Variants in PGAP1 observed in about 807,000 individuals in gnomAD.
The protein encoded by PGAP1 is GPI inositol-deacylase.
PGAP1 carries 76 observed loss-of-function variants against 127.0 expected under a neutral mutation model. The ratio of observed to expected loss-of-function variants is 0.60; its 90% CI spans 0.50 to 0.72. The LOEUF is 0.72. Among genes scored for constraint, PGAP1 ranks in the 30% least tolerant of loss-of-function variants. PGAP1 has a pLI of 0.00. For missense variants in PGAP1, 982 were observed against 1,071.3 expected (o/e 0.92, Z 1.16); for synonymous variants, 362 against 366.5 (o/e 0.99, Z 0.14).
chr2:196,917,364 T>C (rs561863041), intron 2 of PGAP1, among the ~76,000 whole-genome samples: 42 of 152,338 alleles, frequency 2.8e-4, no homozygotes, highest in South Asian at 2.7e-3. Context: ...CAACTCACTA[T>C]ATAAAACTGT....
intron 12 of PGAP1, among the ~76,000 whole-genome samples, chr2:196,881,559 T>G (rs543779629): frequency 6.6e-6 from 1 of 152,366 alleles, no homozygotes; most frequent in South Asian, 2.1e-4. Context: ...ATAATAGCCA[T>G]TCTGACTGGT....
At chr2:196,852,654 A>G (rs1355731115) in intron 20 of PGAP1, among the ~76,000 whole-genome samples, 3 of 152,056 alleles carry the variant, frequency 2.0e-5, no homozygotes, top group Non-Finnish European at 2.9e-5. Context: ...ATAGATTTAG[A>G]AAAAAATAGA....
Position 196,926,619 on chromosome 2 carries a change from T to TGCC in PGAP1, c.-6_-4dup, listed in dbSNP as rs1703371525. On this transcript the variant is annotated 5_prime_UTR_variant, in exon 1 of 27. Coordinates refer to ENST00000354764, the MANE Select transcript of PGAP1 (RefSeq NM_024989.4). ...AGATTAACTGAGTGAAGAAACATGG[T>TGCC]GCCGCCACCACCGCCGCCGCCGCCG... 1.2e-6 allele frequency: 2 copies of TGCC among 1,613,772 alleles called. No individual in the cohort carries two copies. Among genetic ancestry groups the TGCC allele is most frequent in the Non-Finnish European group, 1.7e-6 (2 of 1,179,854 alleles).
chr2:196,842,664 A>C, intron 26 of PGAP1, 57 bp downstream of exon 26: 3 of 804,014 alleles, frequency 3.7e-6, no homozygotes, highest in Admixed American at 2.6e-5. Context: ...TTTTAGATAT[A>C]AAGGGGGAAA....
intron 18 of PGAP1, 83 bp from the exon 19 acceptor site, chr2:196,871,062 T>A: frequency 1.1e-6 from 1 of 900,382 alleles, no homozygotes; most frequent in Non-Finnish European, 1.8e-6. Flanking sequence ...CTTATGCATA[T>A]CTCTAAGCAT....
At chr2:196,874,365 G>C (rs1701496282) in intron 14 of PGAP1, among the ~76,000 whole-genome samples, 1 of 152,068 alleles carries the variant, frequency 6.6e-6, no homozygotes, top group South Asian at 2.1e-4. Context: ...AATAATGGGG[G>C]AGAAGGGTCT....
intron 23 of PGAP1, among the ~76,000 whole-genome samples, chr2:196,845,651 TCTC>T (rs1417607319): frequency 6.6e-6 from 1 of 151,992 alleles, no homozygotes; most frequent in Non-Finnish European, 1.5e-5. Flanking sequence ...GATTATATCT[TCTC>T]CTTTCCCTTT....
At chr2:196,864,908 A>AATTCAATAT (rs1405876141) in intron 20 of PGAP1, 79 bp downstream of exon 20, 1 of 661,966 alleles carries the variant, frequency 1.5e-6, no homozygotes, top group African/African-American at 1.9e-5. Context: ...TTATATATAT[A>AATTCAATAT]AACACATATG....
intron 26 of PGAP1, among the ~76,000 whole-genome samples, chr2:196,841,708 G>A (rs889957695): frequency 1.3e-4 from 20 of 152,090 alleles, no homozygotes; most frequent in Non-Finnish European, 2.4e-4. Context: ...TAGTAGAGAC[G>A]GGGTTTCACT....
At chr2:196,888,026 G>A (rs1366339399) in intron 10 of PGAP1, among the ~76,000 whole-genome samples, 1 of 152,022 alleles carries the variant, frequency 6.6e-6, no homozygotes, top group Non-Finnish European at 1.5e-5. Flanking sequence ...ATACTACTTC[G>A]GTGTATAGGG....
At chr2:196,873,886 GGAGTT>G (rs1701479411) in intron 14 of PGAP1, 128 bp from the exon 15 acceptor site, 1 of 616,600 alleles carries the variant, frequency 1.6e-6, no homozygotes, top group Non-Finnish European at 2.8e-6. Context: ...ACTTCTGTAT[GGAGTT>G]AACTCCTAAA....
In PGAP1 at chr2:196,839,574, G is replaced by A. The variant is rs990625117; in HGVS notation, c.*1660C>T. ...CTCAGTAAGTTAAAATATGAATACTGAAAAACATGCTCAAAGCTAGAAAAG... is the reference window on the plus strand; with the variant it reads ...CTCAGTAAGTTAAAATATGAATACTAAAAAACATGCTCAAAGCTAGAAAAG... On this transcript the variant is annotated 3_prime_UTR_variant, in exon 27 of 27. Transcript: ENST00000354764. 3 of 152,124 alleles carry A rather than the reference G, an allele frequency of 2.0e-5. No homozygotes were observed. Among genetic ancestry groups the A allele is most frequent in the Non-Finnish European group, 2.9e-5 (2 of 68,010 alleles). The allele number at this position is 152,124 out of a possible 1,614,324, so 9.4% of individuals were successfully genotyped here.
chr2:196,893,999 A>G (rs570078895), intron 7 of PGAP1, among the ~76,000 whole-genome samples: 2 of 152,306 alleles, frequency 1.3e-5, no homozygotes, highest in Admixed American at 1.3e-4. Context: ...AAACCTTTCC[A>G]ATCCCTTTGG....
chr2:196,911,771 A>G (rs962327427), intron 4 of PGAP1, among the ~76,000 whole-genome samples: 5 of 152,164 alleles, frequency 3.3e-5, no homozygotes, highest in East Asian at 1.9e-4. Context: ...TTTTTTAACA[A>G]TAAGTTGAGA....
chr2:196,881,684 T>C (rs1193611427), intron 12 of PGAP1, among the ~76,000 whole-genome samples: 1 of 152,188 alleles, frequency 6.6e-6, no homozygotes, highest in Non-Finnish European at 1.5e-5. Context: ...AAAAGTGTCA[T>C]TTCATGTCCT....
intron 20 of PGAP1, among the ~76,000 whole-genome samples, chr2:196,864,315 G>C (rs1319717459): frequency 6.7e-6 from 1 of 150,030 alleles, no homozygotes. Context: ...ACATGAACCA[G>C]GGAGGTGGAG....
chr2:196,864,798 T>C (rs1255875359), intron 20 of PGAP1, among the ~76,000 whole-genome samples, 189 bp downstream of exon 20: 2 of 152,158 alleles, frequency 1.3e-5, no homozygotes, highest in East Asian at 1.9e-4. Flanking sequence ...AAGAACAGAA[T>C]AGTAGCTACT....
At chr2:196,902,072 T>C (rs1195530976) in intron 5 of PGAP1, among the ~76,000 whole-genome samples, 1 of 152,206 alleles carries the variant, frequency 6.6e-6, no homozygotes, top group African/African-American at 2.4e-5. Flanking sequence ...CAGGCTGAGG[T>C]GCAGTGATAA....
chr2:196,857,835 T>C (rs80299338), intron 20 of PGAP1, among the ~76,000 whole-genome samples: 1,538 of 152,332 alleles, frequency 0.01, 22 homozygotes, highest in African/African-American at 0.035. Flanking sequence ...GCCCTTGTTA[T>C]TCATCCTGGT....
Sources: allele counts gnomAD v4.1 joint callset (sites outside exome capture counted in the v4.1 genomes callset), GRCh38; gene constraint gnomAD v4.1.1; transcripts MANE v1.5; gene names NCBI Gene and HGNC (gene_info 2026-07-23, HGNC 2026-07-21).